Variants in PIBF1 observed in about 807,000 individuals in gnomAD.
PIBF1 encodes the protein progesterone immunomodulatory binding factor 1, also known as progesterone-induced-blocking factor 1.
PIBF1 carries 90 observed loss-of-function variants against 112.5 expected under a neutral mutation model. The ratio of observed to expected loss-of-function variants is 0.80; its 90% CI spans 0.67 to 0.95. The LOEUF is 0.95. Ranked by LOEUF, PIBF1 falls within the 40% of genes least tolerant of loss-of-function variation. The pLI is 0.00. For synonymous variants in PIBF1, 301 were observed against 288.6 expected (o/e 1.04, Z -0.44); for missense variants, 915 against 852.3 (o/e 1.07, Z -0.92).
chr13:72,975,926 C>G (rs1470829601), intron 16 of PIBF1, among the ~76,000 whole-genome samples: 5 of 151,854 alleles, frequency 3.3e-5, no homozygotes. Context: ...TTTTTTAAAG[C>G]TAGATATTAA....
chr13:72,873,380 G>A (rs1029793712), intron 10 of PIBF1, among the ~76,000 whole-genome samples: 6 of 152,018 alleles, frequency 3.9e-5, no homozygotes, highest in African/African-American at 9.7e-5. Context: ...CATAAAGAAC[G>A]TGAACCATTA....
rs759902134 is a variant in PIBF1 at position 72,854,130 on chromosome 13, G to C, written c.1297G>C (p.Glu433Gln). The change falls in exon 10 of 18, where the codon GAA becomes CAA. Residue 433 changes from glutamate to glutamine, a missense_variant. Physicochemically the swap from Glu to Gln is conservative, Grantham distance 29. Transcript: ENST00000326291. ...RAVMAEKDAL[E>Q]KHDQLLDRYR... ...AGTGATGGCTGAAAAGGATGCTTTAGAAAAACACGATCAGCTCTTAGACAG... is the reference window on the plus strand; with the variant it reads ...AGTGATGGCTGAAAAGGATGCTTTACAAAAACACGATCAGCTCTTAGACAG... The C allele has an allele frequency of 5.0e-6, 8 of 1,610,038 alleles. No individual in the cohort carries two copies. The African/African-American group carries it at 1.1e-4, about 22-fold the overall frequency.
chr13:72,869,004 T>C (rs909202591), intron 10 of PIBF1, among the ~76,000 whole-genome samples: 2 of 152,046 alleles, frequency 1.3e-5, no homozygotes, highest in African/African-American at 4.8e-5. Context: ...AGGAACACTT[T>C]TACACTGTTG....
At chr13:72,794,491 C>T (rs967393690) in intron 3 of PIBF1, among the ~76,000 whole-genome samples, 1 of 152,078 alleles carries the variant, frequency 6.6e-6, no homozygotes, top group Non-Finnish European at 1.5e-5. Flanking sequence ...TGTCCCCACC[C>T]AAATCTCATC....
At chr13:73,011,368 A>G (rs2044197196) in intron 17 of PIBF1, among the ~76,000 whole-genome samples, 1 of 152,192 alleles carries the variant, frequency 6.6e-6, no homozygotes, top group Non-Finnish European at 1.5e-5. Flanking sequence ...TTAACTTTAG[A>G]AGCTTGACCT....
intron 16 of PIBF1, among the ~76,000 whole-genome samples, chr13:72,993,745 C>CA (rs34464067): frequency 0.41 from 40,261 of 98,570 alleles, 6,586 homozygotes; most frequent in Middle Eastern, 0.5. Context: ...GACTCCATTT[C>CA]AAAAAAAAAA....
At chr13:72,978,428 A>G (rs2043077354) in intron 16 of PIBF1, among the ~76,000 whole-genome samples, 1 of 152,252 alleles carries the variant, frequency 6.6e-6, no homozygotes, top group Non-Finnish European at 1.5e-5. Flanking sequence ...TCCCTGAAAC[A>G]AAACTAAGGT....
chr13:72,961,489 A>G (rs1319775245), intron 14 of PIBF1, among the ~76,000 whole-genome samples: 2 of 152,250 alleles, frequency 1.3e-5, no homozygotes, highest in East Asian at 1.9e-4. Flanking sequence ...TTCTTGTCCC[A>G]GGAAAACAGT....
intron 10 of PIBF1, among the ~76,000 whole-genome samples, chr13:72,856,779 G>C (rs534013685): frequency 1.3e-5 from 2 of 152,298 alleles, no homozygotes; most frequent in South Asian, 4.1e-4. Flanking sequence ...AATTCTAGAT[G>C]TACCATCAGT....
intron 9 of PIBF1, among the ~76,000 whole-genome samples, chr13:72,840,991 C>A (rs2037586069): frequency 6.6e-6 from 1 of 152,086 alleles, no homozygotes; most frequent in African/African-American, 2.4e-5. Flanking sequence ...TGGTATCTGA[C>A]CTGCAGTCAT....
intron 9 of PIBF1, chr13:72,835,961 TG>T: frequency 3.3e-6 from 1 of 307,648 alleles, no homozygotes; most frequent in Non-Finnish European, 6.4e-6. Flanking sequence ...TAGCCAGGCA[TG>T]GTGGCGGGCG....
intron 13 of PIBF1, among the ~76,000 whole-genome samples, chr13:72,918,995 C>T (rs1313208355): frequency 3.3e-5 from 5 of 152,186 alleles, no homozygotes; most frequent in African/African-American, 4.8e-5. Flanking sequence ...TGAGCTACCA[C>T]GCCGTGCCAA....
intron 6 of PIBF1, 36 bp downstream of exon 6, chr13:72,822,018 A>AT (rs1255417015): frequency 8.4e-6 from 13 of 1,551,516 alleles, no homozygotes; most frequent in Non-Finnish European, 1.0e-5. Context: ...GTAGTTCTCT[A>AT]TTTTTAGGGT....
chr13:72,909,913 C>A (rs1446847916), intron 12 of PIBF1, among the ~76,000 whole-genome samples: 2 of 152,104 alleles, frequency 1.3e-5, no homozygotes, highest in African/African-American at 4.8e-5. Context: ...CCTGTCTTAT[C>A]CCTAACGTTA....
chr13:72,833,292 G>A (rs1041020187), intron 8 of PIBF1, among the ~76,000 whole-genome samples: 3 of 152,088 alleles, frequency 2.0e-5, no homozygotes, highest in East Asian at 1.9e-4. Flanking sequence ...CTCATTCACC[G>A]TCCAGTTTTG....
At chr13:72,860,448 A>G (rs1419551872) in intron 10 of PIBF1, among the ~76,000 whole-genome samples, 1 of 151,878 alleles carries the variant, frequency 6.6e-6, no homozygotes, top group Non-Finnish European at 1.5e-5. Flanking sequence ...GGAATATCGT[A>G]TATATTTTGT....
At chr13:72,942,642 A>T (rs1357898240) in intron 14 of PIBF1, among the ~76,000 whole-genome samples, 1 of 152,186 alleles carries the variant, frequency 6.6e-6, no homozygotes, top group African/African-American at 2.4e-5. Flanking sequence ...AGAAGAGATT[A>T]AAAACAGTAT....
chr13:72,800,062 G>A (rs1017007399), intron 5 of PIBF1, among the ~76,000 whole-genome samples: 5 of 152,166 alleles, frequency 3.3e-5, no homozygotes, highest in African/African-American at 7.2e-5. Context: ...TTTAAACAGA[G>A]CCTTGCTCAG....
At chr13:73,012,893 G>A (rs2044246357) in intron 17 of PIBF1, among the ~76,000 whole-genome samples, 1 of 151,390 alleles carries the variant, frequency 6.6e-6, no homozygotes. Flanking sequence ...AAGTAAGAAA[G>A]GAAGAGAAGA....
Sources: gnomAD v4.1 joint callset for allele counts (sites outside exome capture counted in the v4.1 genomes callset) on GRCh38, gnomAD v4.1.1 for gene constraint, MANE v1.5 for transcripts, NCBI Gene and HGNC (gene_info 2026-07-23, HGNC 2026-07-21) for gene names.